The following GALNT9 variants were observed in gnomAD, a reference collection of about 807,000 sequenced individuals.
GALNT9 encodes the protein polypeptide N-acetylgalactosaminyltransferase 9, also known as GalNAc transferase 9.
In GALNT9, 47 loss-of-function variants were observed where a neutral mutation model predicts 63.1. The ratio of observed to expected loss-of-function variants is 0.75; its 90% CI spans 0.59 to 0.95. The LOEUF is 0.95. Ranked by LOEUF, GALNT9 falls within the 40% of genes least tolerant of loss-of-function variation. The pLI is 0.00. For synonymous variants in GALNT9, 396 were observed against 365.7 expected (o/e 1.08, Z -0.94); for missense variants, 829 against 874.8 (o/e 0.95, Z 0.66).
In GALNT9 at chr12:132,319,414, A is replaced by C. The variant is rs1868676781; in HGVS notation, c.238+9552T>G. Among the ~76,000 whole-genome samples, 1 of 151,862 alleles carries C rather than the reference A, an allele frequency of 6.6e-6. No homozygotes were observed. Among genetic ancestry groups the C allele is most frequent in the Admixed American group, 6.6e-5 (1 of 15,256 alleles). On this transcript the variant is annotated intron_variant, in intron 1 of 10. Coordinates refer to ENST00000328957, the MANE Select transcript of GALNT9 (RefSeq NM_001122636.2). This position sits in a 1 kb window ranked among gnomAD's most constrained non-coding sequence, Gnocchi z 5.2. ...GAGCTGCCAGGTCTCGGGCCTTTGGAGTAGAAGTTATGCCGTTTTCCTCAG... is the reference window on the plus strand; with the variant it reads ...GAGCTGCCAGGTCTCGGGCCTTTGGCGTAGAAGTTATGCCGTTTTCCTCAG...
At chr12:132,293,792 C>CG (rs1566015948) in intron 1 of GALNT9, among the ~76,000 whole-genome samples, 2 of 144,512 alleles carry the variant, frequency 1.4e-5, no homozygotes, top group South Asian at 2.1e-4. Flanking sequence ...AACGAGAAGC[C>CG]GGGGGGTCCC....
At chr12:132,241,449 GGGCCCTCCCT>G (rs1878342943) in intron 6 of GALNT9, among the ~76,000 whole-genome samples, 1 of 116,192 alleles carries the variant, frequency 8.6e-6, no homozygotes, top group African/African-American at 3.4e-5. Context: ...CCCCTTCCCG[GGGCCCTCCCT>G]ATACCCATTA....
chr12:132,321,194 TGTTG>T lies in GALNT9; in HGVS notation c.238+7768_238+7771del, dbSNP rs1555246102. On this transcript the variant is annotated intron_variant, in intron 1 of 10. Transcript: ENST00000328957. ...CCTGTGGGTCCGGAGTCGAGGCCCC[TGTTG>T]GTCCAGAGTCGAGGCCCCTGTGGGT... 5.2e-3 allele frequency among the ~76,000 whole-genome samples: 781 copies of T among 151,538 alleles called. 5 individuals carry two copies. The highest frequency in any genetic ancestry group is 0.017 in the Middle Eastern group (5 of 294).
At chr12:132,243,514 G>C (rs1420385764) in intron 6 of GALNT9, among the ~76,000 whole-genome samples, 1 of 150,036 alleles carries the variant, frequency 6.7e-6, no homozygotes, top group African/African-American at 2.5e-5. Context: ...AGTTGGGTTC[G>C]TAGGGGCAGC....
At chr12:132,306,405 G>A (rs1881615056) in intron 1 of GALNT9, among the ~76,000 whole-genome samples, 2 of 152,364 alleles carry the variant, frequency 1.3e-5, no homozygotes, top group Admixed American at 6.5e-5. Context: ...CCACTCAGGG[G>A]CGCCCCGGAG....
intron 6 of GALNT9, among the ~76,000 whole-genome samples, chr12:132,226,998 C>G (rs1193687905): frequency 6.6e-6 from 1 of 150,426 alleles, no homozygotes; most frequent in Non-Finnish European, 1.5e-5. Context: ...ACACACCCAT[C>G]CCCCCCACAC....
At chr12:132,201,378 C>G (rs1351939830) in intron 7 of GALNT9, 117 bp from the exon 8 acceptor site, 8 of 658,510 alleles carry the variant, frequency 1.2e-5, no homozygotes, top group South Asian at 5.5e-5. Context: ...AGCCTCCCCC[C>G]CAGTATTCAG....
intron 6 of GALNT9, among the ~76,000 whole-genome samples, chr12:132,213,899 C>T (rs150324660): frequency 2.2e-3 from 336 of 152,348 alleles, no homozygotes; most frequent in Non-Finnish European, 2.3e-3. Context: ...CAGAACAGCC[C>T]GGTCACGGAG....
intron 1 of GALNT9, among the ~76,000 whole-genome samples, chr12:132,321,871 T>G (rs1489195149): frequency 6.6e-6 from 1 of 151,880 alleles, no homozygotes; most frequent in Non-Finnish European, 1.5e-5. Context: ...GGGAGTTGGA[T>G]GTCAGGCGCG....
intron 6 of GALNT9, among the ~76,000 whole-genome samples, chr12:132,212,172 C>T (rs1452852378): frequency 6.7e-6 from 1 of 148,846 alleles, no homozygotes; most frequent in Non-Finnish European, 1.5e-5. Flanking sequence ...CACGGAAACC[C>T]CACCCGGGTC....
At chr12:132,243,812 C>T (rs1008706378) in intron 6 of GALNT9, among the ~76,000 whole-genome samples, 2 of 152,196 alleles carry the variant, frequency 1.3e-5, no homozygotes, top group East Asian at 3.9e-4. Flanking sequence ...GAATCAGCCG[C>T]TGTCCCAGCC....
At chr12:132,263,741 G>C (rs1182689552) in intron 2 of GALNT9, among the ~76,000 whole-genome samples, 4 of 152,218 alleles carry the variant, frequency 2.6e-5, no homozygotes, top group Non-Finnish European at 5.9e-5. Flanking sequence ...AAACATCTGT[G>C]TAATGAGGGG....
At chr12:132,294,454 C>T (rs530429474) in intron 1 of GALNT9, among the ~76,000 whole-genome samples, 8 of 152,324 alleles carry the variant, frequency 5.3e-5, no homozygotes, top group Non-Finnish European at 8.8e-5. Context: ...CACAGGTGCA[C>T]GTCAGGCAGG....
intron 1 of GALNT9, among the ~76,000 whole-genome samples, chr12:132,323,811 C>CG (rs1260685013): frequency 1.3e-5 from 2 of 152,310 alleles, no homozygotes; most frequent in South Asian, 2.1e-4. Flanking sequence ...GAACCTCGGC[C>CG]GGGGCGGGGG....
intron 1 of GALNT9, among the ~76,000 whole-genome samples, chr12:132,289,918 G>A (rs117983060): frequency 0.012 from 1,760 of 152,304 alleles, 20 homozygotes; most frequent in Middle Eastern, 0.072. Flanking sequence ...GGAGCTCAGG[G>A]GTCCTGAGCC....
intron 1 of GALNT9, among the ~76,000 whole-genome samples, chr12:132,318,374 C>T (rs1198866953): frequency 2.0e-5 from 3 of 152,184 alleles, no homozygotes; most frequent in African/African-American, 7.2e-5. Flanking sequence ...GGGGAACCCA[C>T]ATGGATGCCT....
At chr12:132,202,628 G>A (rs1235172516) in intron 7 of GALNT9, among the ~76,000 whole-genome samples, 5 of 152,044 alleles carry the variant, frequency 3.3e-5, no homozygotes, top group Non-Finnish European at 1.5e-5. Context: ...GCGTGTGTGC[G>A]CTGGGTCATG....
At chr12:132,216,827 C>T (rs549627775) in intron 6 of GALNT9, among the ~76,000 whole-genome samples, 125 of 152,338 alleles carry the variant, frequency 8.2e-4, no homozygotes, top group African/African-American at 2.7e-3. Flanking sequence ...GCCTGTGAGG[C>T]GGCGTTTCTG....
At chr12:132,290,581 GCGCC>G (rs1555242622) in intron 1 of GALNT9, among the ~76,000 whole-genome samples, 2 of 149,824 alleles carry the variant, frequency 1.3e-5, no homozygotes, top group Non-Finnish European at 3.0e-5. Flanking sequence ...CACATCCACA[GCGCC>G]CACATCCACA....
Sources: gnomAD v4.1 joint callset for allele counts (sites outside exome capture counted in the v4.1 genomes callset) on GRCh38, gnomAD v4.1.1 for gene constraint, Gnocchi (gnomAD v3.1) non-coding constraint, MANE v1.5 for transcripts, NCBI Gene and HGNC (gene_info 2026-07-23, HGNC 2026-07-21) for gene names.